The following KDM6A variants were observed in gnomAD, a reference collection of about 807,000 sequenced individuals.
KDM6A encodes the protein lysine-specific demethylase 6A.
A neutral mutation model predicts 117.6 loss-of-function variants in KDM6A; 11 were observed. The ratio of observed to expected loss-of-function variants is 0.09; its 90% CI spans 0.06 to 0.15. The LOEUF is 0.15. Among genes scored for constraint, KDM6A ranks in the 10% least tolerant of loss-of-function variants. The pLI is 1.00. For synonymous variants in KDM6A, 384 were observed against 396.1 expected (o/e 0.97, Z 0.36); for missense variants, 799 against 1,077.3 (o/e 0.74, Z 3.62).
intron 2 of KDM6A, among the ~76,000 whole-genome samples, chrX:44,938,937 G>T (rs2037133222): frequency 8.9e-6 from 1 of 112,226 alleles, no homozygotes; most frequent in Non-Finnish European, 1.9e-5. Flanking sequence ...ACTGAATATT[G>T]TAAGTCCACT....
At chrX:45,084,040 T>C (rs187217092) in intron 24 of KDM6A, among the ~76,000 whole-genome samples, 269 of 112,186 alleles carry the variant, frequency 2.4e-3, no homozygotes, top group Non-Finnish European at 4.2e-3. Context: ...ATCTATTCTA[T>C]TCTGTTTCAT....
At chrX:45,036,738 G>A (rs755655198) in intron 7 of KDM6A, among the ~76,000 whole-genome samples, 28 of 112,346 alleles carry the variant, frequency 2.5e-4, no homozygotes, top group Non-Finnish European at 4.7e-4. Flanking sequence ...ATTCATTATG[G>A]TCTAGTACCT....
At chrX:44,911,246 C>T (rs1266933388) in intron 2 of KDM6A, among the ~76,000 whole-genome samples, 14 of 109,824 alleles carry the variant, frequency 1.3e-4, no homozygotes, top group Non-Finnish European at 2.1e-4. Flanking sequence ...GGCTGCCGGG[C>T]GGAGGGGCTC....
At chrX:45,068,029 C>T (rs1235363598) in intron 17 of KDM6A, among the ~76,000 whole-genome samples, 1 of 111,398 alleles carries the variant, frequency 9.0e-6, no homozygotes, top group Non-Finnish European at 1.9e-5. Flanking sequence ...TTAAAATTTT[C>T]AGCTTCAGAA....
intron 27 of KDM6A, among the ~76,000 whole-genome samples, chrX:45,094,137 C>A: frequency 8.9e-6 from 1 of 111,780 alleles, no homozygotes. Context: ...TTTCAGCAGC[C>A]AACATGGCTC....
At chrX:45,014,356 T>C (rs946273708) in intron 5 of KDM6A, among the ~76,000 whole-genome samples, 1 of 111,882 alleles carries the variant, frequency 8.9e-6, no homozygotes, top group Non-Finnish European at 1.9e-5. Context: ...AGTTGCAGCC[T>C]CTTCTTAGAC....
At chrX:44,995,459 A>G (rs1056661857) in intron 4 of KDM6A, among the ~76,000 whole-genome samples, 1 of 110,548 alleles carries the variant, frequency 9.0e-6, no homozygotes, top group African/African-American at 3.3e-5. Flanking sequence ...TTGTTGGGAT[A>G]CTATTTATTT....
Position 44,873,920 on chromosome X carries a change from A to G in KDM6A, c.162-4A>G. On this transcript the variant is annotated splice_region_variant and splice_polypyrimidine_tract_variant and intron_variant, in intron 1 of 29. Transcript: ENST00000611820. ...TAACGAGTAAACTGTGTCTGTCTCC[A>G]CAGCCGCCTCTTTGGGTTCGTGAGA... The G allele has an allele frequency of 1.7e-6, 2 of 1,210,410 alleles. No individual in the cohort carries two copies. The highest frequency in any genetic ancestry group is 2.3e-4 in the Middle Eastern group (1 of 4,348).
intron 8 of KDM6A, among the ~76,000 whole-genome samples, chrX:45,041,663 G>A (rs2043221678): frequency 9.0e-6 from 1 of 110,874 alleles, no homozygotes; most frequent in African/African-American, 3.3e-5. Flanking sequence ...GGGCGGCCGG[G>A]CAGAGACGCT....
chrX:45,040,282 C>G (rs1166971706), intron 8 of KDM6A, among the ~76,000 whole-genome samples: 1 of 99,331 alleles, frequency 1.0e-5, no homozygotes, highest in Non-Finnish European at 2.1e-5. Flanking sequence ...CTGACCCCCC[C>G]ACCTCCCTCC....
rs779526664 is a variant in KDM6A, at chrX:44,874,003, G to C, written c.225+16G>C. ...ACTGGGCAAGGTAAGGCAGCTGCGA[G>C]TCGGAGCGCGGACACCGTCTCCCTG... On this transcript the variant is annotated intron_variant, in intron 2 of 29. Transcript: ENST00000611820. 38 of 1,202,606 alleles carry C rather than the reference G, an allele frequency of 3.2e-5. No individual in the cohort carries two copies. The South Asian group carries it at 6.4e-4, about 20-fold the overall frequency.
intron 10 of KDM6A, among the ~76,000 whole-genome samples, chrX:45,057,836 T>C (rs904223921): frequency 3.6e-5 from 4 of 111,280 alleles, no homozygotes; most frequent in Admixed American, 1.9e-4. Flanking sequence ...GATAGAAATA[T>C]GGTGTTTGGG....
chrX:44,922,587 G>A (rs2036032029), intron 2 of KDM6A, among the ~76,000 whole-genome samples: 1 of 111,410 alleles, frequency 9.0e-6, no homozygotes, highest in Non-Finnish European at 1.9e-5. Context: ...TTATGCTTCA[G>A]CCTTCCGAGT....
chrX:45,059,223 T>C, intron 11 of KDM6A, 24 bp from the exon 12 acceptor site: 1 of 1,203,481 alleles, frequency 8.3e-7, no homozygotes, highest in East Asian at 3.0e-5. Flanking sequence ...AGTTGACTTA[T>C]TTTTTCTTAA....
intron 2 of KDM6A, among the ~76,000 whole-genome samples, chrX:44,937,746 C>G (rs2037060058): frequency 1.8e-5 from 2 of 111,888 alleles, no homozygotes; most frequent in South Asian, 7.4e-4. Flanking sequence ...TGGACATTCT[C>G]ACTTTAAGAT....
At chrX:45,078,272 A>G (rs757628711) in intron 19 of KDM6A, 128 bp from the exon 20 acceptor site, 1 of 620,720 alleles carries the variant, frequency 1.6e-6, no homozygotes, top group Admixed American at 3.3e-5. Context: ...AGATACTGTC[A>G]AATAGAAATA....
chrX:45,003,821 C>CT (rs1004572767), intron 4 of KDM6A, among the ~76,000 whole-genome samples: 2 of 106,927 alleles, frequency 1.9e-5, no homozygotes, highest in African/African-American at 6.9e-5. Flanking sequence ...CTTCCTCTCT[C>CT]TCTCTGCCTT....
chrX:44,952,271 C>CTTTTT lies in KDM6A; in HGVS notation c.226-9000_226-8996dup, dbSNP rs35385542. ...GGCATCTAACTTTCATTCTACTGAC[C>CTTTTT]TTTTTTTTTTTTTTTTTGAGACGTA... On this transcript the variant is annotated intron_variant, in intron 2 of 29. Coordinates refer to ENST00000611820, the MANE Select transcript of KDM6A (RefSeq NM_001291415.2). Among the ~76,000 whole-genome samples, 44 of 89,909 alleles carry CTTTTT rather than the reference C, an allele frequency of 4.9e-4. 1 individual carries two copies. The highest frequency in any genetic ancestry group is 1.8e-3 in the African/African-American group (40 of 22,218). The allele number at this position is 89,909 out of a possible 115,157, so 78.1% of individuals were successfully genotyped here. A position where few individuals can be genotyped will look rare whatever the true frequency, so the allele number is the denominator to read the frequency against.
intron 1 of KDM6A, 99 bp from the exon 2 acceptor site, chrX:44,873,825 C>T: frequency 2.6e-6 from 3 of 1,139,080 alleles, no homozygotes; most frequent in Non-Finnish European, 3.6e-6. Context: ...CTCGGTTTGG[C>T]GCTCTTCGCG....
Sources: gnomAD v4.1 joint callset for allele counts (sites outside exome capture counted in the v4.1 genomes callset) on GRCh38, gnomAD v4.1.1 for gene constraint, MANE v1.5 for transcripts, NCBI Gene and HGNC (gene_info 2026-07-23, HGNC 2026-07-21) for gene names.